The following MAGI1 variants were observed in gnomAD, a reference collection of about 807,000 sequenced individuals.
MAGI1 encodes membrane associated guanylate kinase, WW and PDZ domain containing 1.
Under a neutral mutation model 139.9 loss-of-function variants are expected in MAGI1, and 58 were observed. The observed-to-expected ratio is 0.41, with a 90% CI of 0.34 to 0.52. The LOEUF (loss-of-function observed/expected upper bound fraction) is 0.52. Among genes scored for constraint, MAGI1 ranks in the 20% least tolerant of loss-of-function variants. The probability of loss-of-function intolerance (pLI) is 0.12; values close to 1 mark genes in which losing one functional copy is unlikely to be tolerated. For synonymous variants in MAGI1, 812 were observed against 737.9 expected, an observed-to-expected ratio of 1.10 and a Z score of -1.63; for missense variants, 1,874 against 1,901.6, an observed-to-expected ratio of 0.99 and a Z score of 0.27.
rs1323946721 is a variant in MAGI1, at chr3:65,361,317, C to T, written c.3516G>A (p.Glu1172=). The change falls in exon 22 of 23, where the codon GAG becomes GAA. Residue 1172 remains glutamate (E), a synonymous_variant. Coordinates refer to ENST00000402939, the MANE Select transcript of MAGI1 (RefSeq NM_001033057.2). ...GKMRIGDEIL[E]INGETTKNMK... is the part of the protein sequence containing the mutation. The stretch of plus-strand genomic sequence containing the variant: ...TGTTTTTGGTGGTCTCACCATTGAT[C>T]TCTAAAATTTCATCACCAATCTGCC... The T allele has an allele frequency of 1.9e-6, 3 of 1,613,752 alleles. No homozygotes were observed. The highest frequency in any genetic ancestry group is 1.3e-5 in the African/African-American group (1 of 74,910).
chr3:65,781,691 G>T (rs2038947692), intron 1 of MAGI1, among the ~76,000 whole-genome samples: 1 of 152,108 alleles, frequency 6.6e-6, no homozygotes, highest in South Asian at 2.1e-4. Context: ...TGGCTGAGAG[G>T]CCATTACAAG....
intron 1 of MAGI1, among the ~76,000 whole-genome samples, chr3:65,855,003 G>T (rs930455712): frequency 6.6e-6 from 1 of 152,204 alleles, no homozygotes; most frequent in South Asian, 2.1e-4. Context: ...TGGGTATTAT[G>T]CAAGAGGGGA....
At chr3:65,673,415 G>T (rs927522012) in intron 1 of MAGI1, among the ~76,000 whole-genome samples, 1 of 152,132 alleles carries the variant, frequency 6.6e-6, no homozygotes, top group Admixed American at 6.5e-5. Context: ...AATATTTATA[G>T]TTCAACTACT....
At chr3:65,889,380 C>A (rs971739887) in intron 1 of MAGI1, among the ~76,000 whole-genome samples, 4 of 152,202 alleles carry the variant, frequency 2.6e-5, no homozygotes, top group Non-Finnish European at 5.9e-5. Flanking sequence ...TTTGTATCTG[C>A]ACAGACTTTT....
rs368243061 is a variant in MAGI1, at chr3:65,735,356, C to CGTGTGTGT, written c.314-113276_314-113269dup. On this transcript the variant is annotated intron_variant, in intron 1 of 22. Coordinates refer to ENST00000402939, the MANE Select transcript of MAGI1 (RefSeq NM_001033057.2). ...GCCTGTTTTTAAAAGTGTGTCTGCA[C>CGTGTGTGT]GTGTGTGTGTGTGTGTGTGTGTACA... 4.9e-3 allele frequency among the ~76,000 whole-genome samples: 719 copies of CGTGTGTGT among 148,154 alleles called. 5 individuals carry two copies. Among genetic ancestry groups the CGTGTGTGT allele is most frequent in the African/African-American group, 0.014 (551 of 39,626 alleles).
At chr3:65,923,845 C>T (rs891268421) in intron 1 of MAGI1, among the ~76,000 whole-genome samples, 8 of 152,182 alleles carry the variant, frequency 5.3e-5, no homozygotes, top group African/African-American at 1.9e-4. Context: ...GCGTTGTTTC[C>T]TCATTACCAC....
intron 1 of MAGI1, among the ~76,000 whole-genome samples, chr3:66,009,482 C>T (rs778235715): frequency 6.6e-6 from 1 of 152,092 alleles, no homozygotes; most frequent in Non-Finnish European, 1.5e-5. Context: ...TGCACTCCAG[C>T]CTGGGCGACA....
chr3:65,364,931 G>T lies in MAGI1; in HGVS notation c.3212C>A (p.Thr1071Asn). ...IIPGDESSNATLLTNAEKIAT... is the reference protein window; with the variant it reads ...IIPGDESSNANLLTNAEKIAT... ...AATCTTCTCTGCATTGGTCAGCAAG[G>T]TGGCATTCGAGGACTCTGCAAAGAG... The change falls in exon 19 of 23, where the codon ACC (threonine) becomes AAC (asparagine). Residue 1071 changes from threonine (T) to asparagine (N), a missense_variant. Physicochemically the swap from Thr to Asn is moderately conservative, Grantham distance 65. Transcript: ENST00000402939. 4 of 1,613,908 alleles carry T rather than the reference G, an allele frequency of 2.5e-6. No individual in the cohort carries two copies. The highest frequency in any genetic ancestry group is 3.4e-6 in the Non-Finnish European group (4 of 1,179,884).
At chr3:65,404,647 A>G (rs1945188367) in intron 12 of MAGI1, among the ~76,000 whole-genome samples, 2 of 152,226 alleles carry the variant, frequency 1.3e-5, no homozygotes, top group Admixed American at 1.3e-4. Flanking sequence ...GAATGCTGGA[A>G]AAACCTTACT....
intron 18 of MAGI1, among the ~76,000 whole-genome samples, chr3:65,368,533 C>G (rs934032371): frequency 7.2e-5 from 11 of 152,216 alleles, no homozygotes; most frequent in Non-Finnish European, 1.3e-4. Context: ...AATTACAATT[C>G]TAACCTTGTT....
intron 1 of MAGI1, among the ~76,000 whole-genome samples, chr3:65,914,481 A>T (rs2061806781): frequency 1.3e-5 from 2 of 152,196 alleles, no homozygotes; most frequent in Non-Finnish European, 2.9e-5. Flanking sequence ...AATTATGGAG[A>T]CTAAGAGGGG....
rs117174698 is a variant in MAGI1, at chr3:65,386,024, T to A, written c.2417-2401A>T. On this transcript the variant is annotated intron_variant, in intron 14 of 22. Coordinates refer to ENST00000402939, the MANE Select transcript of MAGI1 (RefSeq NM_001033057.2). ...CTGGCAGAGTCTGTTTTAGGTCTGC[T>A]GAGTGTGTGGCTTTTCTGGGAACAA... Among the ~76,000 whole-genome samples the A allele has an allele frequency of 4.2e-3, 646 of 152,232 alleles. 2 individuals carry two copies. The highest frequency in any genetic ancestry group is 0.035 in the East Asian group (182 of 5,170).
At chr3:65,973,058 G>T (rs11918242) in intron 1 of MAGI1, among the ~76,000 whole-genome samples, 21,938 of 152,054 alleles carry the variant, frequency 0.14, 1,755 homozygotes, top group East Asian at 0.26. Flanking sequence ...GCTGAGATGG[G>T]ATGATCACTT....
intron 1 of MAGI1, among the ~76,000 whole-genome samples, chr3:65,933,755 A>G (rs1472796494): frequency 1.3e-5 from 2 of 152,194 alleles, no homozygotes; most frequent in African/African-American, 2.4e-5. Context: ...AAGAAGAAAG[A>G]TATCTTAAAT....
chr3:65,548,919 C>T (rs909700805), intron 2 of MAGI1, among the ~76,000 whole-genome samples: 2 of 152,110 alleles, frequency 1.3e-5, no homozygotes, highest in African/African-American at 4.8e-5. Context: ...GCGGGGTCGG[C>T]GGGAACGGGA....
chr3:65,940,090 G>C (rs1399978050), intron 1 of MAGI1, among the ~76,000 whole-genome samples: 1 of 152,116 alleles, frequency 6.6e-6, no homozygotes, highest in Admixed American at 6.5e-5. Context: ...CATGTGCCAG[G>C]AGCTAGGCTA....
intron 1 of MAGI1, among the ~76,000 whole-genome samples, chr3:65,685,311 T>TA (rs79642320): frequency 0.071 from 10,159 of 143,578 alleles, 1,105 homozygotes; most frequent in African/African-American, 0.24. Context: ...TTTCTTCATT[T>TA]AAAAAAAAAA....
intron 1 of MAGI1, among the ~76,000 whole-genome samples, chr3:65,680,046 T>C (rs1319058350): frequency 6.6e-6 from 1 of 152,158 alleles, no homozygotes; most frequent in Non-Finnish European, 1.5e-5. Flanking sequence ...CTCTCTCTCT[T>C]TGATCCCAAA....
intron 1 of MAGI1, among the ~76,000 whole-genome samples, chr3:66,021,624 C>T (rs2067963457): frequency 6.6e-6 from 1 of 152,116 alleles, no homozygotes; most frequent in African/African-American, 2.4e-5. Context: ...AGCCAGAGCA[C>T]CTTTAAACAC....
Sources: gnomAD v4.1 joint callset for allele counts (sites outside exome capture counted in the v4.1 genomes callset) on GRCh38, gnomAD v4.1.1 for gene constraint, MANE v1.5 for transcripts, NCBI Gene and HGNC (gene_info 2026-07-23, HGNC 2026-07-21) for gene names.